CRTC1: variants seen among roughly 807,000 people sequenced by gnomAD.
CRTC1 encodes the protein CREB regulated transcription coactivator 1, also known as CREB-regulated transcription coactivator 1.
Under a neutral mutation model 66.1 loss-of-function variants are expected in CRTC1, and 18 were observed. The observed-to-expected ratio is 0.27, with a 90% CI of 0.19 to 0.40. CRTC1 has a LOEUF of 0.40. Among genes scored for constraint, CRTC1 ranks in the 10% least tolerant of loss-of-function variants. CRTC1 has a pLI of 1.00. For synonymous variants in CRTC1, 416 were observed against 398.8 expected, an observed-to-expected ratio of 1.04 and a Z score of -0.51; for missense variants, 669 against 887.9, an observed-to-expected ratio of 0.75 and a Z score of 3.13.
chr19:18,743,243 G>A (rs1253297561), intron 2 of CRTC1, among the ~76,000 whole-genome samples: 1 of 152,250 alleles, frequency 6.6e-6, no homozygotes, highest in African/African-American at 2.4e-5. Context: ...CCCGAGGCGA[G>A]CCCTCCATCT....
chr19:18,763,983 C>T (rs546657206), intron 8 of CRTC1, among the ~76,000 whole-genome samples: 96 of 152,252 alleles, frequency 6.3e-4, no homozygotes, highest in African/African-American at 2.0e-3. Flanking sequence ...CCTCCCTGGA[C>T]GCCAGGGCCT....
At chr19:18,752,257 T>C (rs2054381042) in intron 5 of CRTC1, among the ~76,000 whole-genome samples, 3 of 152,106 alleles carry the variant, frequency 2.0e-5, no homozygotes, top group African/African-American at 7.2e-5. Flanking sequence ...GAGGCCCACG[T>C]TGGTTCAGCC....
chr19:18,720,533 T>G (rs2053602786), intron 1 of CRTC1, among the ~76,000 whole-genome samples: 1 of 149,530 alleles, frequency 6.7e-6, no homozygotes, highest in South Asian at 2.1e-4. Flanking sequence ...GTGTTTTTTT[T>G]TTTTTTTTTT....
intron 1 of CRTC1, among the ~76,000 whole-genome samples, chr19:18,739,942 G>A (rs905605434): frequency 3.3e-5 from 5 of 152,144 alleles, no homozygotes; most frequent in Admixed American, 1.3e-4. Context: ...TTATTGCAGC[G>A]AAAGGACACA....
intron 2 of CRTC1, among the ~76,000 whole-genome samples, chr19:18,743,741 C>T (rs1031254463): frequency 3.9e-5 from 6 of 152,244 alleles, no homozygotes; most frequent in Non-Finnish European, 8.8e-5. Flanking sequence ...CCAGCTCCAC[C>T]GCCACCTGCA....
chr19:18,688,849 A>T (rs556557980), intron 1 of CRTC1, among the ~76,000 whole-genome samples: 37 of 152,108 alleles, frequency 2.4e-4, no homozygotes, highest in African/African-American at 8.4e-4. Context: ...ACTTGAGAAC[A>T]TTTCGTACCC....
chr19:18,771,342 G>A lies in CRTC1; in HGVS notation c.1321-100G>A, dbSNP rs545309274. On this transcript the variant is annotated intron_variant, in intron 10 of 13. Transcript: ENST00000321949. The surrounding 1 kb of genome is among the most constrained non-coding windows in gnomAD (Gnocchi z 4.6). ...ATCACCAAGGTGTGAGGGGCGGGGG[G>A]ACCTGCCTGGGGGCTGATCAGGCTG... The A allele has an allele frequency of 1.6e-4, 154 of 977,744 alleles. No individual in the cohort carries two copies. The African/African-American group carries it at 2.1e-3, about 13-fold the overall frequency. The allele number at this position is 977,744 out of a possible 1,614,324, so 60.6% of individuals were successfully genotyped here.
At chr19:18,743,768 C>T (rs1358463783) in intron 2 of CRTC1, among the ~76,000 whole-genome samples, 2 of 152,254 alleles carry the variant, frequency 1.3e-5, no homozygotes, top group Non-Finnish European at 2.9e-5. Context: ...CTGGACAGGG[C>T]AGGGATCCTT....
In CRTC1 at chr19:18,747,129, A is replaced by AACCCC. The variant is rs2054259504; in HGVS notation, c.443+15_443+16insACCCC. 4 of 1,109,960 alleles carry AACCCC rather than the reference A, an allele frequency of 3.6e-6. No individual in the cohort carries two copies. Among genetic ancestry groups the AACCCC allele is most frequent in the African/African-American group, 2.2e-5 (1 of 46,352 alleles). The allele number at this position is 1,109,960 out of a possible 1,614,324, so 68.8% of individuals were successfully genotyped here. ...AGCTGGAGAAGGTCAGTGGCTGGAC[A>AACCCC]CCCCCCCCCCGCCCCCTTCTTGTTG... On this transcript the variant is annotated intron_variant, in intron 4 of 13. Transcript: ENST00000321949.
chr19:18,745,839 C>G lies in CRTC1; in HGVS notation c.260C>G (p.Ser87Trp), dbSNP rs555463141. The part of the protein sequence containing the change: ...DLPFQTPFQS[S>W]GLDTSRTTRH... ...CTCCCCCAGACCCCCTTCCAATCCTCGGGCCTGGACACCAGCCGGACCACC... is the reference window on the plus strand; with the variant it reads ...CTCCCCCAGACCCCCTTCCAATCCTGGGGCCTGGACACCAGCCGGACCACC... The change falls in exon 3 of 14, where the codon TCG (serine) becomes TGG (tryptophan). Residue 87 changes from serine to tryptophan, a missense_variant. Physicochemically the swap from Ser to Trp is radical, Grantham distance 177. Transcript: ENST00000321949. The G allele has an allele frequency of 6.2e-7, 1 of 1,613,888 alleles. No homozygotes were observed. The highest frequency in any genetic ancestry group is 8.5e-7 in the Non-Finnish European group (1 of 1,179,936).
chr19:18,758,432 TG>T (rs2054541679), intron 6 of CRTC1, among the ~76,000 whole-genome samples: 1 of 151,804 alleles, frequency 6.6e-6, no homozygotes, highest in Admixed American at 6.6e-5. Context: ...AAAGGCTCTG[TG>T]GGCCACAGTC....
intron 10 of CRTC1, among the ~76,000 whole-genome samples, chr19:18,770,857 GGTGTGCATGCGTGGGTGTGTACATTT>G (rs1444959221): frequency 6.9e-6 from 1 of 143,900 alleles, no homozygotes; most frequent in African/African-American, 2.6e-5. Context: ...TGTGGGTGTG[GGTGTGCATGCGTGGGTGTGTACATTT>G]GTGTGCATGT....
chr19:18,767,544 C>T (rs923940633), intron 9 of CRTC1, among the ~76,000 whole-genome samples: 2 of 152,196 alleles, frequency 1.3e-5, no homozygotes, highest in Admixed American at 6.5e-5. Flanking sequence ...CCACCTACAA[C>T]GAAGTTAATG....
intron 1 of CRTC1, among the ~76,000 whole-genome samples, chr19:18,692,749 C>T (rs1185777159): frequency 1.3e-5 from 2 of 152,110 alleles, no homozygotes; most frequent in Non-Finnish European, 2.9e-5. Flanking sequence ...GGCTCAGGAA[C>T]AGGCATGGCA....
At chr19:18,766,385 TC>T (rs1169502066) in intron 9 of CRTC1, among the ~76,000 whole-genome samples, 1 of 147,340 alleles carries the variant, frequency 6.8e-6, no homozygotes, top group Admixed American at 7.0e-5. Context: ...GTGATCTGCC[TC>T]CTTTGGCCTC....
intron 6 of CRTC1, among the ~76,000 whole-genome samples, chr19:18,757,933 G>T (rs954793985): frequency 6.6e-6 from 1 of 151,962 alleles, no homozygotes; most frequent in Non-Finnish European, 1.5e-5. Flanking sequence ...CAGGAGAAAG[G>T]CGTGAACCTG....
chr19:18,719,078 T>C (rs2053567576), intron 1 of CRTC1, among the ~76,000 whole-genome samples: 5 of 152,052 alleles, frequency 3.3e-5, no homozygotes, highest in Admixed American at 2.6e-4. Flanking sequence ...GGGCTGACGA[T>C]GGGCCCTGGA....
Position 18,714,835 on chromosome 19 carries a change from C to T in CRTC1, c.127-28075C>T, listed in dbSNP as rs528750963. On this transcript the variant is annotated intron_variant, in intron 1 of 13. Coordinates refer to ENST00000321949, the MANE Select transcript of CRTC1 (RefSeq NM_015321.3). ...CTGTCTGCACCCTGAATATTTGGGCCTATATGCTCCCTTGCCCTCCCTCAG... is the reference window on the plus strand; with the variant it reads ...CTGTCTGCACCCTGAATATTTGGGCTTATATGCTCCCTTGCCCTCCCTCAG... Among the ~76,000 whole-genome samples the T allele has an allele frequency of 1.1e-4, 16 of 152,360 alleles. No individual in the cohort carries two copies. In the South Asian group the frequency reaches 3.3e-3, roughly 32 times the overall value.
At chr19:18,726,951 AAG>A (rs1362511477) in intron 1 of CRTC1, among the ~76,000 whole-genome samples, 142 of 151,476 alleles carry the variant, frequency 9.4e-4, no homozygotes, top group African/African-American at 3.1e-3. Flanking sequence ...AAAAAAAAAA[AAG>A]AAGGCAAAAC....
Sources: allele counts gnomAD v4.1 joint callset (sites outside exome capture counted in the v4.1 genomes callset), GRCh38; gene constraint gnomAD v4.1.1; non-coding constraint Gnocchi (gnomAD v3.1); transcripts MANE v1.5; gene names NCBI Gene and HGNC (gene_info 2026-07-23, HGNC 2026-07-21).